The following BCAS3 variants were observed in gnomAD, a reference collection of about 807,000 sequenced individuals.
BCAS3 encodes BCAS4/BCAS3 fusion.
Under a neutral mutation model 116.1 loss-of-function variants are expected in BCAS3, and 53 were observed. The observed-to-expected ratio is 0.46, with a 90% confidence interval of 0.37 to 0.57. The LOEUF is 0.57. Ranked by LOEUF, BCAS3 falls within the 20% of genes least tolerant of loss-of-function variation. The pLI is 0.00. For synonymous variants in BCAS3, 391 were observed against 408.2 expected (o/e 0.96, Z 0.51); for missense variants, 917 against 1,165.4 (o/e 0.79, Z 3.10).
At position 61,198,674 on chromosome 17, in the gene BCAS3, T is replaced by G. The variant is rs2080641353; in HGVS notation, c.2425+114110T>G. On this transcript the variant is annotated intron_variant, in intron 22 of 23. Coordinates refer to ENST00000407086, the MANE Select transcript of BCAS3 (RefSeq NM_017679.5). The surrounding 1 kb of genome is among the most constrained non-coding windows in gnomAD (Gnocchi z 5.0). ...TTAGCTTCTGTGCATTTACTTTTAGTTAATCTGTTTGATTTGAATACACTG... is the reference window on the plus strand; with the variant it reads ...TTAGCTTCTGTGCATTTACTTTTAGGTAATCTGTTTGATTTGAATACACTG... Among the ~76,000 whole-genome samples, 1 of 152,236 alleles carries G rather than the reference T, an allele frequency of 6.6e-6. No individual in the cohort carries two copies. Among genetic ancestry groups the G allele is most frequent in the South Asian group, 2.1e-4 (1 of 4,826 alleles).
intron 19 of BCAS3, among the ~76,000 whole-genome samples, chr17:61,058,167 G>A (rs16944783): frequency 0.1 from 15,369 of 152,028 alleles, 2,344 homozygotes; most frequent in African/African-American, 0.33. Flanking sequence ...CCCAGTAACC[G>A]AGGCATAAGG....
chr17:60,868,761 A>G lies in BCAS3; in HGVS notation c.584+78A>G, dbSNP rs2054852561. 3.9e-6 allele frequency: 3 copies of G among 761,656 alleles called. 1 individual carries two copies. In the South Asian group the frequency reaches 6.4e-5, roughly 16 times the overall value. The allele number at this position is 761,656 out of a possible 1,614,324, so 47.2% of individuals were successfully genotyped here. A position where few individuals can be genotyped will look rare whatever the true frequency, so the allele number is the denominator to read the frequency against. ...GGCATGGAGAACTCTACCAGTTTCA[A>G]TGACTAACTTAGATTTATTTTTAAA... On this transcript the variant is annotated intron_variant, in intron 8 of 23. Transcript: ENST00000407086.
rs1189069587 is a variant in BCAS3, at chr17:61,161,252, G to C, written c.2425+76688G>C. 6.6e-6 allele frequency among the ~76,000 whole-genome samples: 1 copy of C among 152,202 alleles called. No homozygotes were observed. Among genetic ancestry groups the C allele is most frequent in the Non-Finnish European group, 1.5e-5 (1 of 68,048 alleles). On this transcript the variant is annotated intron_variant, in intron 22 of 23. Coordinates refer to ENST00000407086, the MANE Select transcript of BCAS3 (RefSeq NM_017679.5). The surrounding 1 kb of genome is among the most constrained non-coding windows in gnomAD (Gnocchi z 4.8). ...TGAAACATTTTGGTTTGGCTGCCAAGTACATCCACATTTTGTTATAAATGT... is the reference window on the plus strand; with the variant it reads ...TGAAACATTTTGGTTTGGCTGCCAACTACATCCACATTTTGTTATAAATGT...
intron 12 of BCAS3, among the ~76,000 whole-genome samples, chr17:60,923,375 T>C (rs908423076): frequency 1.3e-5 from 2 of 152,228 alleles, no homozygotes; most frequent in Admixed American, 1.3e-4. Context: ...ACTATCTCAG[T>C]GCTTAAGTAC....
At chr17:60,876,110 G>C (rs940942984) in intron 9 of BCAS3, among the ~76,000 whole-genome samples, 3 of 151,940 alleles carry the variant, frequency 2.0e-5, no homozygotes, top group African/African-American at 7.2e-5. Context: ...ACTTAACTCT[G>C]ATCAATATAT....
chr17:61,314,243 A>G (rs1181318881), intron 22 of BCAS3, among the ~76,000 whole-genome samples: 1 of 152,196 alleles, frequency 6.6e-6, no homozygotes, highest in Non-Finnish European at 1.5e-5. Flanking sequence ...AGCTGGCACC[A>G]TTAGCAGCCT....
chr17:60,868,524 T>A (rs2054827448), intron 7 of BCAS3, 52 bp from the exon 8 acceptor site: 1 of 1,092,902 alleles, frequency 9.1e-7, no homozygotes, highest in Non-Finnish European at 1.3e-6. Flanking sequence ...TAGAGATTAT[T>A]GGTCTTTCTT....
Position 61,023,149 on chromosome 17 carries a change from T to C in BCAS3, c.1637+7248T>C, listed in dbSNP as rs567285601. On this transcript the variant is annotated intron_variant, in intron 16 of 23. Coordinates refer to ENST00000407086, the MANE Select transcript of BCAS3 (RefSeq NM_017679.5). This position sits in a 1 kb window ranked among gnomAD's most constrained non-coding sequence, Gnocchi z 4.8. ...TGATATTAGGAATAATTTACTGATA[T>C]GCATGTGGGAAATGCAAGTTCACTT... is the stretch of plus-strand genomic sequence containing the variant. Among the ~76,000 whole-genome samples the C allele has an allele frequency of 7.9e-5, 12 of 152,348 alleles. No homozygotes were observed. Among genetic ancestry groups the C allele is most frequent in the Non-Finnish European group, 1.2e-4 (8 of 68,032 alleles).
At chr17:61,292,633 A>G (rs577302099) in intron 22 of BCAS3, among the ~76,000 whole-genome samples, 1 of 152,290 alleles carries the variant, frequency 6.6e-6, no homozygotes, top group African/African-American at 2.4e-5. Context: ...CCTGGGTGAC[A>G]GAGCGAGGCT....
intron 6 of BCAS3, among the ~76,000 whole-genome samples, chr17:60,787,756 T>G (rs1050376849): frequency 6.6e-6 from 1 of 152,040 alleles, no homozygotes; most frequent in Non-Finnish European, 1.5e-5. Flanking sequence ...GGAGAAACTG[T>G]GTATTTCCAA....
At chr17:60,997,431 A>T (rs2063915637) in intron 15 of BCAS3, among the ~76,000 whole-genome samples, 1 of 152,204 alleles carries the variant, frequency 6.6e-6, no homozygotes, top group South Asian at 2.1e-4. Context: ...GGGAAGCAGG[A>T]ACATTTAGAG....
intron 22 of BCAS3, among the ~76,000 whole-genome samples, chr17:61,253,305 C>A (rs886649304): frequency 6.6e-6 from 1 of 151,452 alleles, no homozygotes; most frequent in African/African-American, 2.4e-5. Context: ...GTAATCCCAA[C>A]ACTTTGGGAG....
intron 22 of BCAS3, among the ~76,000 whole-genome samples, chr17:61,296,280 T>C (rs1454524831): frequency 6.6e-6 from 1 of 152,182 alleles, no homozygotes; most frequent in Non-Finnish European, 1.5e-5. Context: ...TTAGCCCTAA[T>C]GACAATTTGA....
intron 19 of BCAS3, among the ~76,000 whole-genome samples, chr17:61,067,726 C>G (rs199498775): frequency 2.8e-5 from 3 of 108,992 alleles, no homozygotes; most frequent in Admixed American, 8.9e-5. Flanking sequence ...AACAAACAAA[C>G]AAAAAAAAAA....
rs1396225751 is a variant in BCAS3 at position 61,261,361 on chromosome 17, A to G, written c.2426-106966A>G. On this transcript the variant is annotated intron_variant, in intron 22 of 23. Transcript: ENST00000407086. The surrounding 1 kb of genome is among the most constrained non-coding windows in gnomAD (Gnocchi z 4.4). ...AGTTCTGCTTATTCTCTGCTGCAGG[A>G]TGCTACCCCCTGACCCTTTATAAGT... 6.6e-6 allele frequency among the ~76,000 whole-genome samples: 1 copy of G among 152,178 alleles called. No homozygotes were observed. The highest frequency in any genetic ancestry group is 1.5e-5 in the Non-Finnish European group (1 of 68,028).
intron 5 of BCAS3, among the ~76,000 whole-genome samples, chr17:60,730,461 C>A (rs556810752): frequency 3.7e-4 from 56 of 152,152 alleles, no homozygotes; most frequent in Non-Finnish European, 7.6e-4. Context: ...GCATTTTAGG[C>A]GATTTTTATG....
chr17:61,331,682 G>T (rs139152175), intron 22 of BCAS3, among the ~76,000 whole-genome samples: 1 of 152,128 alleles, frequency 6.6e-6, no homozygotes, highest in Non-Finnish European at 1.5e-5. Flanking sequence ...AAAGAAAAAG[G>T]TTCAAATAAT....
In BCAS3 at chr17:61,307,036, T is replaced by G. The variant is rs1455664761; in HGVS notation, c.2426-61291T>G. Among the ~76,000 whole-genome samples the G allele has an allele frequency of 1.3e-5, 2 of 152,242 alleles. No individual in the cohort carries two copies. Among genetic ancestry groups the G allele is most frequent in the Non-Finnish European group, 2.9e-5 (2 of 68,050 alleles). On this transcript the variant is annotated intron_variant, in intron 22 of 23. Transcript: ENST00000407086. This position sits in a 1 kb window ranked among gnomAD's most constrained non-coding sequence, Gnocchi z 4.7. ...AGGGCTCTGGGCCTTTGCCCCCAGC[T>G]TCTGTGATTCTCTCAAAGGTCTTTC...
Position 60,962,531 on chromosome 17 carries a change from T to C in BCAS3, c.1221+15179T>C, listed in dbSNP as rs906477444. ...TCTTTTGCCCATTTTTAAATTTTCT[T>C]ATTTTTTCTTTTGTTTCTAATGGGG... On this transcript the variant is annotated intron_variant, in intron 14 of 23. Transcript: ENST00000407086. This position sits in a 1 kb window ranked among gnomAD's most constrained non-coding sequence, Gnocchi z 4.4. Among the ~76,000 whole-genome samples, 2 of 152,172 alleles carry C rather than the reference T, an allele frequency of 1.3e-5. No homozygotes were observed. Among genetic ancestry groups the C allele is most frequent in the Non-Finnish European group, 2.9e-5 (2 of 68,018 alleles).
Sources: gnomAD v4.1 joint callset for allele counts (sites outside exome capture counted in the v4.1 genomes callset) on GRCh38, gnomAD v4.1.1 for gene constraint, Gnocchi (gnomAD v3.1) non-coding constraint, MANE v1.5 for transcripts, NCBI Gene and HGNC (gene_info 2026-07-23, HGNC 2026-07-21) for gene names.